SESTD1: variants seen among roughly 807,000 people sequenced by gnomAD.
SESTD1 encodes the protein SEC14 and spectrin domain containing 1, also known as SEC14 domain and spectrin repeat-containing protein 1.
A neutral mutation model predicts 101.7 loss-of-function variants in SESTD1; 43 were observed. That is an observed-to-expected ratio of 0.42 (90% CI 0.33 to 0.55). The LOEUF is 0.55. Ranked by LOEUF, SESTD1 falls within the 20% of genes least tolerant of loss-of-function variation. The pLI is 0.07. For missense variants in SESTD1, 647 were observed against 815.1 expected (o/e 0.79, Z 2.51); for synonymous variants, 283 against 286.8 (o/e 0.99, Z 0.13).
chr2:179,197,857 G>T (rs546535393), intron 1 of SESTD1, among the ~76,000 whole-genome samples: 23 of 152,156 alleles, frequency 1.5e-4, no homozygotes, highest in African/African-American at 5.3e-4. Context: ...GCAAAATCAT[G>T]CCAAATTGTA....
chr2:179,227,267 C>T (rs2046901438), intron 1 of SESTD1, among the ~76,000 whole-genome samples: 1 of 152,132 alleles, frequency 6.6e-6, no homozygotes, highest in Non-Finnish European at 1.5e-5. Context: ...ACTTTTATTA[C>T]AATATTCACT....
intron 1 of SESTD1, among the ~76,000 whole-genome samples, chr2:179,228,165 T>A (rs144283955): frequency 6.6e-6 from 1 of 152,156 alleles, no homozygotes. Flanking sequence ...TGTCATTTAG[T>A]GTGTTACCAG....
intron 1 of SESTD1, among the ~76,000 whole-genome samples, chr2:179,256,316 T>C (rs559276960): frequency 7.9e-5 from 12 of 152,296 alleles, no homozygotes; most frequent in African/African-American, 1.4e-4. Flanking sequence ...TTAAGAACAT[T>C]TGTGATTCAT....
chr2:179,149,181 T>C (rs2105448108), intron 7 of SESTD1, 116 bp downstream of exon 7: 1 of 668,252 alleles, frequency 1.5e-6, no homozygotes, highest in Non-Finnish European at 2.5e-6. Flanking sequence ...TCAATTTTGA[T>C]TGAATGAAGA....
chr2:179,244,476 A>AAC (rs36079765), intron 1 of SESTD1, among the ~76,000 whole-genome samples: 12,599 of 103,046 alleles, frequency 0.12, 1,704 homozygotes, highest in African/African-American at 0.46. Context: ...ACAAACCAAC[A>AAC]AAAAAAAAAA....
chr2:179,153,503 C>T (rs567805057), intron 5 of SESTD1, among the ~76,000 whole-genome samples: 1 of 152,226 alleles, frequency 6.6e-6, no homozygotes, highest in South Asian at 2.1e-4. Context: ...CTCTCTCGCT[C>T]TCTCTCTCAC....
At chr2:179,140,403 C>T (rs915523001) in intron 9 of SESTD1, among the ~76,000 whole-genome samples, 5 of 152,080 alleles carry the variant, frequency 3.3e-5, no homozygotes, top group Non-Finnish European at 7.4e-5. Context: ...CAGACACATA[C>T]AGAGAGAAGA....
At chr2:179,244,490 T>C (rs768952121) in intron 1 of SESTD1, among the ~76,000 whole-genome samples, 2 of 145,844 alleles carry the variant, frequency 1.4e-5, no homozygotes, top group Non-Finnish European at 3.0e-5. Context: ...AAAAAAAACA[T>C]GGAGGCCAGA....
intron 2 of SESTD1, among the ~76,000 whole-genome samples, chr2:179,184,260 T>G (rs2046171608): frequency 6.6e-6 from 1 of 152,178 alleles, no homozygotes; most frequent in Non-Finnish European, 1.5e-5. Flanking sequence ...AACTGACATT[T>G]GAGGTAATTT....
At chr2:179,234,442 G>GTAAGTACAAGA (rs2047031959) in intron 1 of SESTD1, among the ~76,000 whole-genome samples, 1 of 152,150 alleles carries the variant, frequency 6.6e-6, no homozygotes. Flanking sequence ...GCTGGATAAG[G>GTAAGTACAAGA]TAAGTACAAG....
intron 1 of SESTD1, among the ~76,000 whole-genome samples, chr2:179,255,634 T>C (rs2047382932): frequency 6.6e-6 from 1 of 152,196 alleles, no homozygotes; most frequent in African/African-American, 2.4e-5. Flanking sequence ...ATGTGCAAGA[T>C]GAAGCAGCAA....
chr2:179,244,480 A>G (rs1300752360), intron 1 of SESTD1, among the ~76,000 whole-genome samples: 2 of 151,852 alleles, frequency 1.3e-5, no homozygotes, highest in Admixed American at 1.3e-4. Flanking sequence ...ACCAACAAAA[A>G]AAAAAAACAT....
intron 1 of SESTD1, among the ~76,000 whole-genome samples, chr2:179,213,761 AC>A (rs2046681782): frequency 7.4e-6 from 1 of 135,806 alleles, no homozygotes; most frequent in African/African-American, 2.9e-5. Flanking sequence ...AGGTTGGGTT[AC>A]CCACAAAGGA....
At chr2:179,228,510 C>G (rs904820286) in intron 1 of SESTD1, among the ~76,000 whole-genome samples, 1 of 152,160 alleles carries the variant, frequency 6.6e-6, no homozygotes, top group East Asian at 1.9e-4. Context: ...AAGGCACATA[C>G]TGTAGAACTA....
intron 3 of SESTD1, among the ~76,000 whole-genome samples, chr2:179,178,879 C>G (rs2046058843): frequency 6.6e-6 from 1 of 152,190 alleles, no homozygotes; most frequent in Non-Finnish European, 1.5e-5. Flanking sequence ...TATTTCAAAG[C>G]ACACTATAAA....
intron 2 of SESTD1, among the ~76,000 whole-genome samples, chr2:179,185,495 ATAT>A (rs1357809579): frequency 4.3e-5 from 6 of 140,716 alleles, no homozygotes; most frequent in South Asian, 2.1e-4. Context: ...TATACAATAT[ATAT>A]TATATCGTAT....
intron 10 of SESTD1, 98 bp downstream of exon 10, chr2:179,132,206 A>G (rs1422833286): frequency 3.8e-5 from 53 of 1,385,586 alleles, no homozygotes; most frequent in Non-Finnish European, 4.8e-5. Context: ...CATGCCCCAT[A>G]CCAAAGTTTG....
intron 1 of SESTD1, among the ~76,000 whole-genome samples, chr2:179,210,909 C>T (rs1464933578): frequency 1.5e-5 from 2 of 134,010 alleles, no homozygotes; most frequent in African/African-American, 5.9e-5. Flanking sequence ...TTGTTGATGA[C>T]ATGATTGTAG....
chr2:179,193,056 G>A (rs1386108969), intron 1 of SESTD1, among the ~76,000 whole-genome samples: 1 of 152,068 alleles, frequency 6.6e-6, no homozygotes, highest in Admixed American at 6.6e-5. Flanking sequence ...CTAAGGCTGT[G>A]CTACCAGCTA....
Sources: gnomAD v4.1 joint callset for allele counts (sites outside exome capture counted in the v4.1 genomes callset) on GRCh38, gnomAD v4.1.1 for gene constraint, MANE v1.5 for transcripts, NCBI Gene and HGNC (gene_info 2026-07-23, HGNC 2026-07-21) for gene names.